Variants in NRXN1 observed in about 807,000 individuals in gnomAD.
NRXN1 encodes neurexin-1.
NRXN1 carries 39 observed loss-of-function variants against 150.9 expected under a neutral mutation model. The ratio of observed to expected loss-of-function variants is 0.26; its 90% CI spans 0.20 to 0.34. NRXN1 has a LOEUF of 0.34. NRXN1 is among the 10% of genes least tolerant of loss of function. NRXN1 has a pLI of 1.00. For synonymous variants in NRXN1, 924 were observed against 757.0 expected, an observed-to-expected ratio of 1.22 and a Z score of -3.62; for missense variants, 1,815 against 1,949.9, an observed-to-expected ratio of 0.93 and a Z score of 1.30.
chr2:50,974,813 T>G (rs1195005741), intron 2 of NRXN1, among the ~76,000 whole-genome samples: 2 of 152,088 alleles, frequency 1.3e-5, no homozygotes, highest in Non-Finnish European at 2.9e-5. Flanking sequence ...TAAATACATG[T>G]GCTCACATAC....
chr2:50,970,626 T>G (rs1260833846), intron 2 of NRXN1, among the ~76,000 whole-genome samples: 1 of 152,148 alleles, frequency 6.6e-6, no homozygotes, highest in Non-Finnish European at 1.5e-5. Context: ...GTTAATCACA[T>G]TTTAGAGAAA....
chr2:50,078,969 C>A (rs2152681169), intron 19 of NRXN1, among the ~76,000 whole-genome samples: 1 of 152,148 alleles, frequency 6.6e-6, no homozygotes, highest in African/African-American at 2.4e-5. Context: ...CCGACTTCAA[C>A]AATTTTTACA....
chr2:50,992,696 G>A (rs1016650307), intron 2 of NRXN1, among the ~76,000 whole-genome samples: 1 of 151,890 alleles, frequency 6.6e-6, no homozygotes, highest in Non-Finnish European at 1.5e-5. Flanking sequence ...TTTTGTATTT[G>A]GTGTACTCAT....
At position 50,773,390 on chromosome 2, in the gene NRXN1, T is replaced by G. The variant is rs114100152; in HGVS notation, c.832+148479A>C. Among the ~76,000 whole-genome samples, 1,354 of 152,300 alleles carry G rather than the reference T, an allele frequency of 8.9e-3. 9 individuals carry two copies. The highest frequency in any genetic ancestry group is 0.016 in the Admixed American group (239 of 15,288). On this transcript the variant is annotated intron_variant, in intron 5 of 22. Transcript: ENST00000401669. Reference sequence around the variant, plus strand: ...GAAAGAATATAAGAAGTTAAATGTTTTCACAAGCAACCCTAGATTCCTGTG... The same window carrying G: ...GAAAGAATATAAGAAGTTAAATGTTGTCACAAGCAACCCTAGATTCCTGTG...
intron 3 of NRXN1, among the ~76,000 whole-genome samples, chr2:50,923,916 T>G (rs1686474589): frequency 6.6e-6 from 1 of 151,750 alleles, no homozygotes; most frequent in Non-Finnish European, 1.5e-5. Context: ...AACATGAAAG[T>G]TATTAAACAC....
At chr2:50,199,735 T>C (rs964829297) in intron 18 of NRXN1, among the ~76,000 whole-genome samples, 8 of 152,086 alleles carry the variant, frequency 5.3e-5, no homozygotes, top group Non-Finnish European at 1.2e-4. Flanking sequence ...TTTGGCATCA[T>C]TTTGGGGTGT....
chr2:50,585,529 T>C (rs757464924), intron 8 of NRXN1, among the ~76,000 whole-genome samples: 4 of 152,198 alleles, frequency 2.6e-5, no homozygotes, highest in African/African-American at 4.8e-5. Flanking sequence ...TAATTTGTTT[T>C]TTATGATTAA....
At chr2:50,296,518 C>CTATTAGTATTATTATTATTATTAT (rs60974449) in intron 17 of NRXN1, among the ~76,000 whole-genome samples, 17,863 of 147,952 alleles carry the variant, frequency 0.12, 1,391 homozygotes, top group East Asian at 0.32. Flanking sequence ...TGCTTAGCTT[C>CTATTAGTATTATTATTATTATTAT]TATTATTATT....
At chr2:50,477,067 T>C (rs1009048163) in intron 15 of NRXN1, among the ~76,000 whole-genome samples, 1 of 152,052 alleles carries the variant, frequency 6.6e-6, no homozygotes, top group African/African-American at 2.4e-5. Context: ...GATATAAATG[T>C]GGATGCCAGA....
chr2:50,829,676 C>G (rs1261426318), intron 5 of NRXN1: 3 of 1,610,682 alleles, frequency 1.9e-6, no homozygotes, highest in African/African-American at 1.3e-5. Flanking sequence ...CAGGCTGACA[C>G]AGCGGAGCGC....
At chr2:50,171,149 T>A (rs749833299) in intron 18 of NRXN1, among the ~76,000 whole-genome samples, 9 of 152,016 alleles carry the variant, frequency 5.9e-5, no homozygotes, top group Non-Finnish European at 1.3e-4. Context: ...GAGGGGCTGA[T>A]CTTGCTGTCT....
intron 19 of NRXN1, among the ~76,000 whole-genome samples, chr2:50,073,475 A>T (rs1696600902): frequency 1.3e-5 from 2 of 152,168 alleles, no homozygotes; most frequent in Admixed American, 6.5e-5. Context: ...TAGAATACTT[A>T]TCAGGCCTCA....
chr2:50,879,947 T>C (rs1303318887), intron 5 of NRXN1, among the ~76,000 whole-genome samples: 1 of 151,816 alleles, frequency 6.6e-6, no homozygotes. Flanking sequence ...CAAACTGAGC[T>C]ATGGAAGAAA....
At chr2:50,597,378 C>T (rs1329271814) in intron 8 of NRXN1, among the ~76,000 whole-genome samples, 1 of 152,182 alleles carries the variant, frequency 6.6e-6, no homozygotes, top group Non-Finnish European at 1.5e-5. Flanking sequence ...CTCACCCTCT[C>T]CAGCCATAAG....
At chr2:50,724,466 G>T (rs1442610228) in intron 5 of NRXN1, among the ~76,000 whole-genome samples, 1 of 151,984 alleles carries the variant, frequency 6.6e-6, no homozygotes, top group African/African-American at 2.4e-5. Context: ...ATTCAAAATT[G>T]TAATAATTAT....
intron 18 of NRXN1, among the ~76,000 whole-genome samples, chr2:50,096,525 C>A (rs896924321): frequency 1.3e-5 from 2 of 152,166 alleles, no homozygotes; most frequent in African/African-American, 4.8e-5. Context: ...ATTGCATTAG[C>A]AAAACCAGAA....
At chr2:50,129,308 C>T (rs542911901) in intron 18 of NRXN1, among the ~76,000 whole-genome samples, 2 of 152,170 alleles carry the variant, frequency 1.3e-5, no homozygotes, top group African/African-American at 2.4e-5. Flanking sequence ...GGATATAGTT[C>T]GGACTACTCC....
intron 17 of NRXN1, among the ~76,000 whole-genome samples, chr2:50,239,213 C>T (rs1424654724): frequency 6.6e-6 from 1 of 151,754 alleles, no homozygotes; most frequent in African/African-American, 2.4e-5. Flanking sequence ...AAAAATAGGA[C>T]AAGAACATAA....
At chr2:50,990,982 T>A (rs1698459515) in intron 2 of NRXN1, among the ~76,000 whole-genome samples, 2 of 152,056 alleles carry the variant, frequency 1.3e-5, no homozygotes, top group Non-Finnish European at 2.9e-5. Flanking sequence ...CATTATTCAT[T>A]TGTTTATTTA....
Sources: gnomAD v4.1 joint callset for allele counts (sites outside exome capture counted in the v4.1 genomes callset) on GRCh38, gnomAD v4.1.1 for gene constraint, MANE v1.5 for transcripts, NCBI Gene and HGNC (gene_info 2026-07-23, HGNC 2026-07-21) for gene names.